The following UGT2B7 variants were observed in gnomAD, a reference collection of about 807,000 sequenced individuals.
UGT2B7 encodes the protein UDP-glucuronosyltransferase 2B7.
Under a neutral mutation model 51.9 loss-of-function variants are expected in UGT2B7, and 51 were observed. The observed-to-expected ratio is 0.98, with a 90% CI of 0.78 to 1.24. The LOEUF is 1.24. UGT2B7 is among the 50% of genes most tolerant of loss of function. The pLI, the probability that UGT2B7 is intolerant of heterozygous loss-of-function variation, is 0.00. For missense variants in UGT2B7, 727 were observed against 628.4 expected, an observed-to-expected ratio of 1.16 and a Z score of -1.68; for synonymous variants, 225 against 211.6, an observed-to-expected ratio of 1.06 and a Z score of -0.55.
chr4:69,077,589 T>TA (rs1490537148), intron 1 of UGT2B7, among the ~76,000 whole-genome samples: 1 of 151,858 alleles, frequency 6.6e-6, no homozygotes, highest in African/African-American at 2.4e-5. Flanking sequence ...TCTTTTTTTT[T>TA]ATTGGTGTAT....
intron 1 of UGT2B7, among the ~76,000 whole-genome samples, chr4:69,098,198 G>A (rs1719302041): frequency 6.6e-6 from 1 of 151,898 alleles, no homozygotes; most frequent in Non-Finnish European, 1.5e-5. Flanking sequence ...TTGTTTAAAT[G>A]TCCGTATGCT....
chr4:69,112,924 GT>G lies in UGT2B7; in HGVS notation c.*190del. ...TCAGAGATTTACCACCCAGTTCATG[GT>G]TAGAAATATTTTGTGGCAATGAAGA... is the stretch of plus-strand genomic sequence containing the variant. On this transcript the variant is annotated 3_prime_UTR_variant, in exon 6 of 6. Transcript: ENST00000305231. 1 of 845,184 alleles carries G rather than the reference GT, an allele frequency of 1.2e-6. No individual in the cohort carries two copies. The allele number at this position is 845,184 out of a possible 1,614,324, so 52.4% of individuals were successfully genotyped here.
intron 1 of UGT2B7, among the ~76,000 whole-genome samples, chr4:69,070,907 T>TCA (rs1346239869): frequency 6.6e-6 from 1 of 152,132 alleles, no homozygotes; most frequent in African/African-American, 2.4e-5. Context: ...TTCATATCCT[T>TCA]CATGAAATAC....
At chr4:69,064,037 A>AC (rs1190601957) in intron 1 of UGT2B7, among the ~76,000 whole-genome samples, 17 of 94,928 alleles carry the variant, frequency 1.8e-4, no homozygotes, top group African/African-American at 4.3e-4. Context: ...AGAAAGAAAG[A>AC]AAGAAAGAAA....
At chr4:69,067,027 G>T (rs1189458643) in intron 1 of UGT2B7, among the ~76,000 whole-genome samples, 1 of 152,034 alleles carries the variant, frequency 6.6e-6, no homozygotes, top group Non-Finnish European at 1.5e-5. Flanking sequence ...CATACTCAGT[G>T]ACTTCACCAT....
chr4:69,096,909 T>A lies in UGT2B7; in HGVS notation c.389T>A (p.Val130Glu). ...GDITRKFCKD[V>E]VSNKKFMKKV... The stretch of plus-strand genomic sequence containing the variant: ...ATAACTAGAAAGTTCTGTAAAGATG[T>A]AGTTTCAAATAAGAAATTTATGAAA... Residue 130 changes from valine (V) to glutamate (E), a missense_variant, in exon 1 of 6, where the codon GTA becomes GAA. Coordinates refer to ENST00000305231, the MANE Select transcript of UGT2B7 (RefSeq NM_001074.4). The A allele has an allele frequency of 6.2e-7, 1 of 1,611,866 alleles. No individual in the cohort carries two copies. Among genetic ancestry groups the A allele is most frequent in the Non-Finnish European group, 8.5e-7 (1 of 1,179,480 alleles).
In UGT2B7 at chr4:69,102,920, G is replaced by C; in HGVS notation, c.984G>C (p.Leu328=). 2 of 1,612,852 alleles carry C rather than the reference G, an allele frequency of 1.2e-6. No individual in the cohort carries two copies. The highest frequency in any genetic ancestry group is 1.7e-6 in the Non-Finnish European group (2 of 1,179,452). ...EERANVIASA[L]AQIPQKVLWR... ...GGGCCAACGTAATTGCATCAGCCCT[G>C]GCCCAGATCCCACAAAAGGTAAGAT... The change falls in exon 3 of 6, where the codon CTG becomes CTC. Residue 328 remains leucine (L), a synonymous_variant. Coordinates refer to ENST00000305231, the MANE Select transcript of UGT2B7 (RefSeq NM_001074.4).
At chr4:69,109,966 C>T (rs1429562558) in intron 5 of UGT2B7, among the ~76,000 whole-genome samples, 1 of 151,630 alleles carries the variant, frequency 6.6e-6, no homozygotes, top group East Asian at 1.9e-4. Flanking sequence ...CACAAACCAG[C>T]TTGGACAAAT....
At chr4:69,098,958 GT>G (rs1719338495) in intron 2 of UGT2B7, among the ~76,000 whole-genome samples, 2 of 151,800 alleles carry the variant, frequency 1.3e-5, no homozygotes, top group Admixed American at 6.6e-5. Flanking sequence ...ACCTAAGAAG[GT>G]ATTGGTCATC....
chr4:69,065,932 A>G (rs897958672), intron 1 of UGT2B7, among the ~76,000 whole-genome samples: 3 of 152,090 alleles, frequency 2.0e-5, no homozygotes, highest in African/African-American at 7.2e-5. Context: ...TATTATCACA[A>G]TTTTCTAAGT....
chr4:69,099,413 T>C (rs1719355903), intron 2 of UGT2B7, among the ~76,000 whole-genome samples: 1 of 151,892 alleles, frequency 6.6e-6, no homozygotes, highest in South Asian at 2.1e-4. Context: ...ATTAAGCACA[T>C]TGAAAAACTA....
intron 5 of UGT2B7, among the ~76,000 whole-genome samples, 190 bp from the exon 6 acceptor site, chr4:69,112,267 C>G (rs1034781802): frequency 3.3e-5 from 5 of 152,130 alleles, no homozygotes; most frequent in African/African-American, 1.2e-4. Flanking sequence ...GACCCTCTCA[C>G]GCAGACCCCC....
chr4:69,110,831 C>G (rs1282206609), intron 5 of UGT2B7, among the ~76,000 whole-genome samples: 1 of 152,088 alleles, frequency 6.6e-6, no homozygotes, highest in Non-Finnish European at 1.5e-5. Flanking sequence ...AGATAATGTT[C>G]AAGATGATCT....
At chr4:69,086,275 T>C (rs1319707903) in intron 1 of UGT2B7, among the ~76,000 whole-genome samples, 1 of 151,900 alleles carries the variant, frequency 6.6e-6, no homozygotes, top group Non-Finnish European at 1.5e-5. Flanking sequence ...ATTTAATTTA[T>C]GTATAGTTGT....
chr4:69,088,645 T>G (rs1229631238), intron 1 of UGT2B7, among the ~76,000 whole-genome samples: 1 of 152,140 alleles, frequency 6.6e-6, no homozygotes, highest in Non-Finnish European at 1.5e-5. Flanking sequence ...CCTGCAGTGT[T>G]ATGGAACTGG....
chr4:69,103,038 C>T, intron 3 of UGT2B7, 100 bp downstream of exon 3: 2 of 1,516,844 alleles, frequency 1.3e-6, no homozygotes, highest in Non-Finnish European at 1.8e-6. Flanking sequence ...GTGAAGTTGA[C>T]CAAAAGTTGA....
intron 1 of UGT2B7, 56 bp downstream of exon 1, chr4:69,097,297 G>A: frequency 6.4e-7 from 1 of 1,565,184 alleles, no homozygotes; most frequent in Non-Finnish European, 8.6e-7. Flanking sequence ...TGTCTTTGAA[G>A]CAGAGCTTAT....
At chr4:69,082,819 C>T (rs553154338) in intron 1 of UGT2B7, among the ~76,000 whole-genome samples, 65 of 152,180 alleles carry the variant, frequency 4.3e-4, no homozygotes, top group African/African-American at 1.5e-3. Context: ...GTTGACAAAA[C>T]GGTCCTTTAT....
At position 69,096,586 on chromosome 4, in the gene UGT2B7, T is replaced by C. The variant is rs1719233880; in HGVS notation, c.66T>C (p.Asn22=). 1.2e-6 allele frequency: 2 copies of C among 1,613,836 alleles called. No homozygotes were observed. Among genetic ancestry groups the C allele is most frequent in the Non-Finnish European group, 1.7e-6 (2 of 1,179,896 alleles). The part of the protein sequence containing the change: ...IQLSFCFSSG[N]CGKVLVWAAE... ...TGAGCTTTTGCTTTAGCTCTGGGAA[T>C]TGTGGAAAGGTGCTGGTGTGGGCAG... The change falls in exon 1 of 6, where the codon AAT becomes AAC. Residue 22 remains asparagine, a synonymous_variant. Coordinates refer to ENST00000305231, the MANE Select transcript of UGT2B7 (RefSeq NM_001074.4).
Sources: gnomAD v4.1 joint callset for allele counts (sites outside exome capture counted in the v4.1 genomes callset) on GRCh38, gnomAD v4.1.1 for gene constraint, MANE v1.5 for transcripts, NCBI Gene and HGNC (gene_info 2026-07-23, HGNC 2026-07-21) for gene names.